Variants in CEP85L observed in about 807,000 individuals in gnomAD.
The protein encoded by CEP85L is centrosomal protein of 85 kDa-like.
CEP85L carries 60 observed loss-of-function variants against 100.3 expected under a neutral mutation model. The ratio of observed to expected loss-of-function variants is 0.60; its 90% CI spans 0.49 to 0.74. The LOEUF is 0.74. Among genes scored for constraint, CEP85L ranks in the 30% least tolerant of loss-of-function variants. The pLI, the probability that CEP85L is intolerant of heterozygous loss-of-function variation, is 0.00. For synonymous variants in CEP85L, 319 were observed against 322.7 expected (o/e 0.99, Z 0.12); for missense variants, 973 against 936.2 (o/e 1.04, Z -0.51).
intron 2 of CEP85L, among the ~76,000 whole-genome samples, chr6:118,602,824 C>CTTT (rs780515256): frequency 6.9e-6 from 1 of 144,556 alleles, no homozygotes; most frequent in African/African-American, 2.5e-5. Context: ...TCAGATAAGA[C>CTTT]TTTTTTTTTT....
intron 1 of CEP85L, among the ~76,000 whole-genome samples, chr6:118,682,715 T>C (rs1415933195): frequency 8.7e-5 from 10 of 115,568 alleles, no homozygotes; most frequent in Non-Finnish European, 1.6e-4. Flanking sequence ...AGCTTCAAAC[T>C]GGAAGAAAAA....
At chr6:118,606,708 C>T (rs977260724) in intron 2 of CEP85L, among the ~76,000 whole-genome samples, 20 of 152,314 alleles carry the variant, frequency 1.3e-4, no homozygotes, top group African/African-American at 4.8e-4. Flanking sequence ...TTGTTACTGA[C>T]CAGCTTGCTG....
At position 118,501,690 on chromosome 6, in the gene CEP85L, G is replaced by A. The variant is rs913692577; in HGVS notation, c.1257+9608C>T. The A allele has an allele frequency of 1.7e-5, 11 of 665,900 alleles. No individual in the cohort carries two copies. The African/African-American group carries it at 1.8e-4, about 11-fold the overall frequency. The allele number at this position is 665,900 out of a possible 1,614,324, so 41.2% of individuals were successfully genotyped here. A position where few individuals can be genotyped will look rare whatever the true frequency, so the allele number is the denominator to read the frequency against. ...TTACACTCAGAGATGAAAATTTTTA[G>A]CCAGGAAAAAATTCAGAGCCTGAAG... On this transcript the variant is annotated intron_variant, in intron 5 of 12. Coordinates refer to ENST00000368491, the MANE Select transcript of CEP85L (RefSeq NM_001042475.3).
intron 1 of CEP85L, among the ~76,000 whole-genome samples, chr6:118,684,221 C>T (rs779279680): frequency 2.0e-5 from 3 of 152,176 alleles, no homozygotes; most frequent in African/African-American, 7.2e-5. Flanking sequence ...AAAACACCCC[C>T]CTACGTTTAC....
intron 1 of CEP85L, among the ~76,000 whole-genome samples, chr6:118,645,853 G>C (rs766058699): frequency 9.9e-5 from 15 of 151,914 alleles, no homozygotes; most frequent in Non-Finnish European, 2.1e-4. Flanking sequence ...CTAATGCCAA[G>C]GTAACAAGCA....
intron 3 of CEP85L, among the ~76,000 whole-genome samples, chr6:118,545,025 T>A (rs573462924): frequency 6.6e-6 from 1 of 152,166 alleles, no homozygotes; most frequent in South Asian, 2.1e-4. Context: ...TCTTCCTGGG[T>A]GTCTAGGAGA....
rs545146980 is a variant in CEP85L at position 118,564,598 on chromosome 6, C to G, written c.1020+931G>C. On this transcript the variant is annotated intron_variant, in intron 3 of 12. Coordinates refer to ENST00000368491, the MANE Select transcript of CEP85L (RefSeq NM_001042475.3). ...ATGTTAGGGTTCTATGTTTTGAGAT[C>G]ATACTCATATTTGTGAGGTTCCTGG... 3.3e-5 allele frequency among the ~76,000 whole-genome samples: 5 copies of G among 152,264 alleles called. No individual in the cohort carries two copies. In the East Asian group the frequency reaches 9.7e-4, roughly 29 times the overall value.
intron 1 of CEP85L, among the ~76,000 whole-genome samples, chr6:118,639,883 C>T (rs994961535): frequency 6.6e-6 from 1 of 152,052 alleles, no homozygotes; most frequent in African/African-American, 2.4e-5. Flanking sequence ...TTCAAACAAG[C>T]GTTTTGTTTG....
intron 1 of CEP85L, among the ~76,000 whole-genome samples, chr6:118,663,098 G>T (rs1330341775): frequency 6.6e-6 from 1 of 151,134 alleles, no homozygotes; most frequent in Non-Finnish European, 1.5e-5. Flanking sequence ...TTTATACAAA[G>T]ATTAAATAAT....
intron 2 of CEP85L, among the ~76,000 whole-genome samples, chr6:118,574,977 G>C (rs943349851): frequency 6.6e-6 from 1 of 152,104 alleles, no homozygotes; most frequent in Admixed American, 6.5e-5. Flanking sequence ...AGTTGGTTGG[G>C]GGGCGGGGGC....
intron 2 of CEP85L, among the ~76,000 whole-genome samples, chr6:118,582,160 T>G (rs1195320379): frequency 6.6e-6 from 1 of 152,122 alleles, no homozygotes; most frequent in African/African-American, 2.4e-5. Flanking sequence ...CTCCTCCAGC[T>G]CCACTATCTC....
intron 6 of CEP85L, among the ~76,000 whole-genome samples, chr6:118,485,492 C>G (rs1774113406): frequency 6.6e-6 from 1 of 152,306 alleles, no homozygotes. Flanking sequence ...ACTGGTAAGA[C>G]AAACACATCC....
chr6:118,536,835 A>G (rs1777623933), intron 3 of CEP85L, among the ~76,000 whole-genome samples: 1 of 152,180 alleles, frequency 6.6e-6, no homozygotes, highest in Non-Finnish European at 1.5e-5. Flanking sequence ...CCTGCTTCCT[A>G]ATATAGAAAA....
At chr6:118,670,202 T>A (rs949601831) in intron 1 of CEP85L, among the ~76,000 whole-genome samples, 2 of 151,482 alleles carry the variant, frequency 1.3e-5, no homozygotes, top group Non-Finnish European at 2.9e-5. Flanking sequence ...AGTTAGTAGA[T>A]GTGATGCAAG....
chr6:118,604,521 T>C (rs981132111), intron 2 of CEP85L, among the ~76,000 whole-genome samples: 1 of 152,242 alleles, frequency 6.6e-6, no homozygotes, highest in African/African-American at 2.4e-5. Context: ...CATTTTATTT[T>C]CCTTACACAC....
chr6:118,546,555 T>TA (rs937729950), intron 3 of CEP85L, among the ~76,000 whole-genome samples: 15 of 152,174 alleles, frequency 9.9e-5, no homozygotes, highest in Non-Finnish European at 8.8e-5. Context: ...ATTTACATCT[T>TA]AAAAATTTCT....
intron 5 of CEP85L, among the ~76,000 whole-genome samples, chr6:118,492,703 C>T (rs1357211555): frequency 1.3e-5 from 2 of 152,090 alleles, no homozygotes. Flanking sequence ...AAAGCACATA[C>T]GTTAGGCATT....
At chr6:118,687,178 C>T (rs762374379) in intron 1 of CEP85L, among the ~76,000 whole-genome samples, 15 of 152,194 alleles carry the variant, frequency 9.9e-5, no homozygotes, top group Non-Finnish European at 1.9e-4. Context: ...TGTAGAGAAG[C>T]TTTTGATGGC....
intron 4 of CEP85L, among the ~76,000 whole-genome samples, chr6:118,517,001 G>C (rs917957790): frequency 6.7e-6 from 1 of 148,868 alleles, no homozygotes; most frequent in African/African-American, 2.5e-5. Context: ...CATTAAATAG[G>C]GAATCCTTTC....
Sources: gnomAD v4.1 joint callset for allele counts (sites outside exome capture counted in the v4.1 genomes callset) on GRCh38, gnomAD v4.1.1 for gene constraint, MANE v1.5 for transcripts, NCBI Gene and HGNC (gene_info 2026-07-23, HGNC 2026-07-21) for gene names.